Variants in GFPT1 observed in about 807,000 individuals in gnomAD.
The protein encoded by GFPT1 is glutamine--fructose-6-phosphate transaminase 1.
GFPT1 carries 40 observed loss-of-function variants against 92.0 expected under a neutral mutation model. The observed-to-expected ratio is 0.43, with a 90% CI of 0.34 to 0.57. The LOEUF (loss-of-function observed/expected upper bound fraction) is 0.57. GFPT1 is among the 20% of genes least tolerant of loss of function. The probability of loss-of-function intolerance (pLI) is 0.02; values close to 1 mark genes in which losing one functional copy is unlikely to be tolerated. For synonymous variants in GFPT1, 269 were observed against 280.6 expected (o/e 0.96, Z 0.41); for missense variants, 448 against 869.1 (o/e 0.52, Z 6.09).
At chr2:69,365,906 G>A (rs751412523) in intron 3 of GFPT1, among the ~76,000 whole-genome samples, 31 of 151,986 alleles carry the variant, frequency 2.0e-4, no homozygotes, top group Admixed American at 3.3e-4. Flanking sequence ...TCTCCCTCCC[G>A]GGTTCAAGCG....
chr2:69,355,407 ATT>A (rs1491573194), intron 7 of GFPT1, among the ~76,000 whole-genome samples: 14 of 76,300 alleles, frequency 1.8e-4, no homozygotes, highest in African/African-American at 1.6e-3. Flanking sequence ...TTTTTTAATT[ATT>A]TTTCTTAATT....
At chr2:69,328,770 G>A (rs55962715) in intron 17 of GFPT1, among the ~76,000 whole-genome samples, 19,225 of 145,332 alleles carry the variant, frequency 0.13, 1,389 homozygotes, top group Non-Finnish European at 0.16. Flanking sequence ...GTGTGATCTC[G>A]GCTCACTGCC....
chr2:69,354,387 GAACTATATAT>G, intron 8 of GFPT1, 75 bp from the exon 9 acceptor site: 1 of 1,350,422 alleles, frequency 7.4e-7, no homozygotes, highest in Non-Finnish European at 1.1e-6. Flanking sequence ...TGTCTAGACA[GAACTATATAT>G]ACATGTGCAT....
Position 69,326,221 on chromosome 2 carries a change from G to A in GFPT1, c.2068C>T (p.Arg690Trp). 1 of 1,591,516 alleles carries A rather than the reference G, an allele frequency of 6.3e-7. No homozygotes were observed. Among genetic ancestry groups the A allele is most frequent in the Non-Finnish European group, 8.6e-7 (1 of 1,168,982 alleles). Reference sequence around the variant, plus strand: ...ACAGTCACAGATTTGGCAAGATTCCGTGGGAAATCAACCTGCAAAAAGAAA... The same window carrying A: ...ACAGTCACAGATTTGGCAAGATTCCATGGGAAATCAACCTGCAAAAAGAAA... Reference protein sequence around the residue: ...VLRGYDVDFPRNLAKSVTVE With the variant: ...VLRGYDVDFPWNLAKSVTVE The change falls in exon 20 of 20, where the codon CGG becomes TGG. Residue 690 changes from arginine (R) to tryptophan (W), a missense_variant. Physicochemically the swap from Arg to Trp is moderately radical, Grantham distance 101. Transcript: ENST00000357308.
In GFPT1 at chr2:69,387,076, C is replaced by G; in HGVS notation, c.-5G>C. ...CCCGGCCCCCTTACCACACATGATGCCGGAGACACGGCCCGCGAGGCCAGG... is the reference window on the plus strand; with the variant it reads ...CCCGGCCCCCTTACCACACATGATGGCGGAGACACGGCCCGCGAGGCCAGG... On this transcript the variant is annotated 5_prime_UTR_variant, in exon 1 of 20. Transcript: ENST00000357308. 4.6e-6 allele frequency: 7 copies of G among 1,537,636 alleles called. No individual in the cohort carries two copies. The highest frequency in any genetic ancestry group is 5.2e-6 in the Non-Finnish European group (6 of 1,146,718).
In GFPT1 at chr2:69,325,855, C is replaced by T. The variant is rs1315007395; in HGVS notation, c.*334G>A. 4.2e-6 allele frequency: 1 copy of T among 239,734 alleles called. No homozygotes were observed. Among genetic ancestry groups the T allele is most frequent in the East Asian group, 9.6e-5 (1 of 10,388 alleles). The allele number at this position is 239,734 out of a possible 1,614,324, so 14.9% of individuals were successfully genotyped here. ...TGAATGAAGTATGGTGAAACAAGTA[C>T]CAATTTTTAGAAACATATTGTCTTC... On this transcript the variant is annotated 3_prime_UTR_variant, in exon 20 of 20. Transcript: ENST00000357308.
Position 69,354,314 on chromosome 2 carries a change from T to G in GFPT1, c.686-2A>C. 6.3e-7 allele frequency: 1 copy of G among 1,589,568 alleles called. No homozygotes were observed. The highest frequency in any genetic ancestry group is 8.5e-7 in the Non-Finnish European group (1 of 1,173,482). ...ATTTTGATCCAATCTGAGTCCTAGC[T>G]AAGGATACACAACAGAAAAAAATTC... On this transcript the variant is annotated splice_acceptor_variant, in intron 8 of 19. Transcript: ENST00000357308. LOFTEE classifies it high-confidence loss of function.
At chr2:69,359,736 G>C (rs28678591) in intron 4 of GFPT1, among the ~76,000 whole-genome samples, 8 of 152,256 alleles carry the variant, frequency 5.3e-5, no homozygotes, top group African/African-American at 1.7e-4. Context: ...TTGAGTAAAA[G>C]TTTAAAGAGA....
chr2:69,328,193 G>A (rs1195320132), intron 18 of GFPT1, 78 bp downstream of exon 18: 1 of 1,087,916 alleles, frequency 9.2e-7, no homozygotes, highest in East Asian at 2.4e-5. Flanking sequence ...GTGTAAACAT[G>A]TTTTGTAAGT....
At position 69,326,243 on chromosome 2, in the gene GFPT1, G is replaced by GAAA; in HGVS notation, c.2056-13_2056-11dup. On this transcript the variant is annotated splice_polypyrimidine_tract_variant and intron_variant, in intron 19 of 19. Transcript: ENST00000357308. ...TCCGTGGGAAATCAACCTGCAAAAA[G>GAAA]AAAAAAAAAAAAAGCAAGATTTGAG... 4 of 1,346,712 alleles carry GAAA rather than the reference G, an allele frequency of 3.0e-6. No homozygotes were observed. The highest frequency in any genetic ancestry group is 1.3e-5 in the South Asian group (1 of 79,872). The allele number at this position is 1,346,712 out of a possible 1,614,324, so 83.4% of individuals were successfully genotyped here.
intron 1 of GFPT1, among the ~76,000 whole-genome samples, chr2:69,386,547 G>A (rs1275255864): frequency 6.6e-6 from 1 of 152,200 alleles, no homozygotes; most frequent in African/African-American, 2.4e-5. Flanking sequence ...GGGATGGCAG[G>A]AAGTATCACG....
At chr2:69,373,926 T>G (rs1671810447) in intron 2 of GFPT1, 80 bp downstream of exon 2, 1 of 727,178 alleles carries the variant, frequency 1.4e-6, no homozygotes, top group South Asian at 1.5e-5. Flanking sequence ...CAGACTTTAA[T>G]AGTCTAGTCT....
chr2:69,372,283 A>G (rs917259691), intron 2 of GFPT1, among the ~76,000 whole-genome samples: 2 of 148,360 alleles, frequency 1.3e-5, no homozygotes, highest in South Asian at 4.3e-4. Context: ...CTAGAAAAGA[A>G]TATTGGCTGG....
intron 4 of GFPT1, among the ~76,000 whole-genome samples, chr2:69,360,499 C>A (rs534459510): frequency 7.6e-4 from 112 of 148,186 alleles, no homozygotes; most frequent in African/African-American, 2.7e-3. Context: ...AGTACAGTGG[C>A]TCAATCATGA....
intron 9 of GFPT1, among the ~76,000 whole-genome samples, chr2:69,353,106 C>A (rs983725823): frequency 6.6e-6 from 1 of 151,002 alleles, no homozygotes; most frequent in African/African-American, 2.4e-5. Flanking sequence ...ATGAAAAGAA[C>A]ACTTCTGGGC....
At chr2:69,356,661 G>A in intron 6 of GFPT1, 104 bp from the exon 7 acceptor site, 1 of 808,342 alleles carries the variant, frequency 1.2e-6, no homozygotes, top group Non-Finnish European at 2.2e-6. Flanking sequence ...TCACACAAAT[G>A]CTCTTTTGTA....
chr2:69,368,072 A>C (rs1671653128), intron 3 of GFPT1, among the ~76,000 whole-genome samples: 1 of 152,122 alleles, frequency 6.6e-6, no homozygotes, highest in Non-Finnish European at 1.5e-5. Context: ...AACATGGCAA[A>C]ACCCCGTCTC....
intron 15 of GFPT1, among the ~76,000 whole-genome samples, chr2:69,333,438 A>G (rs1234126449): frequency 1.3e-5 from 2 of 152,206 alleles, no homozygotes; most frequent in Non-Finnish European, 1.5e-5. Flanking sequence ...TTTGAATTTC[A>G]TATTTTTAAT....
intron 15 of GFPT1, among the ~76,000 whole-genome samples, chr2:69,336,627 C>A (rs1355318330): frequency 7.4e-6 from 1 of 134,714 alleles, no homozygotes; most frequent in African/African-American, 2.7e-5. Flanking sequence ...CATAGTGAGA[C>A]CCCATCTTAA....
Sources: allele counts gnomAD v4.1 joint callset (sites outside exome capture counted in the v4.1 genomes callset), GRCh38; gene constraint gnomAD v4.1.1; transcripts MANE v1.5; gene names NCBI Gene and HGNC (gene_info 2026-07-23, HGNC 2026-07-21).